SLC35F2: variants seen among roughly 807,000 people sequenced by gnomAD.
The protein encoded by SLC35F2 is queuine/queuosine transporter SLC35F2.
In SLC35F2, 25 loss-of-function variants were observed where a neutral mutation model predicts 38.1. The observed-to-expected ratio is 0.66, with a 90% CI of 0.48 to 0.92. The LOEUF is 0.92. Ranked by LOEUF, SLC35F2 falls within the 40% of genes least tolerant of loss-of-function variation. The probability of loss-of-function intolerance (pLI) is 0.00; values close to 1 mark genes in which losing one functional copy is unlikely to be tolerated. For synonymous variants in SLC35F2, 173 were observed against 181.7 expected (o/e 0.95, Z 0.38); for missense variants, 409 against 452.9 (o/e 0.90, Z 0.88).
intron 1 of SLC35F2, among the ~76,000 whole-genome samples, chr11:107,854,914 C>G (rs76091090): frequency 0.034 from 5,182 of 152,076 alleles, 205 homozygotes; most frequent in African/African-American, 0.1. Context: ...TATCCATTCA[C>G]CAACCTCTTT....
chr11:107,792,783 G>A lies in SLC35F2; in HGVS notation c.957C>T (p.Ile319=). Residue 319 remains isoleucine (I), a synonymous_variant, in exon 8 of 8, where the codon ATC becomes ATT. Transcript: ENST00000525815. ...CCACCATGATGACAGTGAAGGACAG[G>A]ATGTAGAGTCCTGAAAACTAGAAGG... ...LFGYKFSGLY[I]LSFTVIMVGF... 6.3e-7 allele frequency: 1 copy of A among 1,581,540 alleles called. No individual in the cohort carries two copies. Among genetic ancestry groups the A allele is most frequent in the East Asian group, 2.3e-5 (1 of 42,966 alleles).
At position 107,792,161 on chromosome 11, in the gene SLC35F2, C is replaced by CGAAAAAAAAAA. The variant is rs767622537; in HGVS notation, c.*453_*454insTTTTTTTTTTC. The stretch of plus-strand genomic sequence containing the variant: ...GGCCTGTGGACAATAACTGCCTCAG[C>CGAAAAAAAAAA]AAAAAAAAAAAAAAAAAAAAACCTT... On this transcript the variant is annotated 3_prime_UTR_variant, in exon 8 of 8. Coordinates refer to ENST00000525815, the MANE Select transcript of SLC35F2 (RefSeq NM_017515.5). 468 of 78,040 alleles carry CGAAAAAAAAAA rather than the reference C, an allele frequency of 6.0e-3. 12 individuals carry two copies. Among genetic ancestry groups the CGAAAAAAAAAA allele is most frequent in the East Asian group, 0.025 (60 of 2,436 alleles). The allele number at this position is 78,040 out of a possible 1,614,324, so 4.8% of individuals were successfully genotyped here.
chr11:107,849,683 G>T (rs1365167533), intron 1 of SLC35F2, among the ~76,000 whole-genome samples: 4 of 151,488 alleles, frequency 2.6e-5, no homozygotes, highest in African/African-American at 9.7e-5. Context: ...TGAAGGGGGA[G>T]GTGGACTCTA....
At chr11:107,809,923 T>G in intron 3 of SLC35F2, 1 of 985,266 alleles carries the variant, frequency 1.0e-6, no homozygotes. Flanking sequence ...GAGTGGGAAA[T>G]GGGTTGATGT....
chr11:107,837,158 C>T (rs562112367), intron 1 of SLC35F2, among the ~76,000 whole-genome samples: 1 of 152,282 alleles, frequency 6.6e-6, no homozygotes, highest in South Asian at 2.1e-4. Flanking sequence ...GTGAAGAACA[C>T]AGGGGACACA....
intron 7 of SLC35F2, among the ~76,000 whole-genome samples, chr11:107,802,242 A>AAAAAAAAAAAAAAATAAATAAAT (rs559048077): frequency 2.0e-5 from 3 of 147,890 alleles, no homozygotes; most frequent in East Asian, 4.1e-4. Context: ...CATCTCAAAA[A>AAAAAAAAAAAAAAATAAATAAAT]AAATAAATAA....
intron 2 of SLC35F2, among the ~76,000 whole-genome samples, chr11:107,814,362 A>G (rs12808832): frequency 0.15 from 22,048 of 151,272 alleles, 2,327 homozygotes; most frequent in African/African-American, 0.3. Flanking sequence ...GGCTGAGGCA[A>G]GAGAATCGCT....
chr11:107,824,718 T>C (rs1196590489), intron 1 of SLC35F2, among the ~76,000 whole-genome samples: 2 of 152,212 alleles, frequency 1.3e-5, no homozygotes, highest in African/African-American at 4.8e-5. Flanking sequence ...ATGTAACCTA[T>C]AAAAGTACCT....
At chr11:107,849,641 GA>G (rs59636290) in intron 1 of SLC35F2, among the ~76,000 whole-genome samples, 66,873 of 138,474 alleles carry the variant, frequency 0.48, 16,437 homozygotes, top group African/African-American at 0.6. Flanking sequence ...TCCGTTTTGG[GA>G]AAAAAAAAAA....
At chr11:107,809,955 A>G (rs1278618980) in intron 3 of SLC35F2, 1 of 985,316 alleles carries the variant, frequency 1.0e-6, no homozygotes, top group African/African-American at 1.7e-5. Context: ...GGGAAGGGAC[A>G]TGAGCAGCAA....
chr11:107,837,877 A>G (rs1189728585), intron 1 of SLC35F2, among the ~76,000 whole-genome samples: 2 of 152,042 alleles, frequency 1.3e-5, no homozygotes, highest in Non-Finnish European at 2.9e-5. Context: ...AAATGCAGAC[A>G]TCGTGTTATG....
At chr11:107,858,449 G>GC (rs1860332300) in intron 1 of SLC35F2, 1 of 413,528 alleles carries the variant, frequency 2.4e-6, no homozygotes, top group Non-Finnish European at 4.2e-6. Context: ...CGAAACGGGA[G>GC]CCGAGGGAGA....
intron 3 of SLC35F2, chr11:107,810,879 T>C: frequency 1.0e-6 from 1 of 981,944 alleles, no homozygotes; most frequent in Non-Finnish European, 1.2e-6. Context: ...CATCTCTGTA[T>C]TTTGTATAGT....
chr11:107,815,557 C>CA (rs1269134602), intron 2 of SLC35F2, among the ~76,000 whole-genome samples: 4 of 149,014 alleles, frequency 2.7e-5, no homozygotes, highest in Non-Finnish European at 4.5e-5. Context: ...GACCCTGTCT[C>CA]AAAAACAAAC....
chr11:107,833,329 G>A (rs918867327), intron 1 of SLC35F2, among the ~76,000 whole-genome samples: 4 of 151,988 alleles, frequency 2.6e-5, no homozygotes, highest in Admixed American at 2.6e-4. Context: ...AGACCATCCT[G>A]GCCAACATGG....
rs1279276477 is a variant in SLC35F2 at position 107,805,350 on chromosome 11, G to A, written c.731+9C>T. ...ATTTTGTCTTTAGAAAAAAATTGTA[G>A]AATCTTACAGCTGTATACCACTGAT... is the stretch of plus-strand genomic sequence containing the variant. On this transcript the variant is annotated intron_variant, in intron 5 of 7. Transcript: ENST00000525815. The A allele has an allele frequency of 1.9e-6, 3 of 1,585,240 alleles. No individual in the cohort carries two copies. The highest frequency in any genetic ancestry group is 2.6e-6 in the Non-Finnish European group (3 of 1,171,792).
Position 107,791,494 on chromosome 11 carries a change from G to T in SLC35F2, c.*1121C>A, listed in dbSNP as rs1424692097. ...AGTATGACCTGGGACTGAAACTGTG[G>T]AGCACATAGCCAGTGTCACAGGCTC... On this transcript the variant is annotated 3_prime_UTR_variant, in exon 8 of 8. Transcript: ENST00000525815. 2.0e-5 allele frequency: 3 copies of T among 152,166 alleles called. No homozygotes were observed. Among genetic ancestry groups the T allele is most frequent in the Non-Finnish European group, 4.4e-5 (3 of 68,050 alleles). The allele number at this position is 152,166 out of a possible 1,614,324, so 9.4% of individuals were successfully genotyped here. A position where few individuals can be genotyped will look rare whatever the true frequency, so the allele number is the denominator to read the frequency against.
Position 107,804,720 on chromosome 11 carries a change from AT to A in SLC35F2, c.781del (p.Ile261LeufsTer22). The A allele has an allele frequency of 1.2e-6, 2 of 1,601,998 alleles. No homozygotes were observed. The highest frequency in any genetic ancestry group is 1.7e-6 in the Non-Finnish European group (2 of 1,173,372). ...AAAGGAATTATTTCTTTACATACCA[AT>A]TTTCCAGTCCCAATGAATGCTGGCA... is the stretch of plus-strand genomic sequence containing the variant. ...DIASIHWDWK[I>X]ALLFVAFALC... is the part of the protein sequence containing the mutation. On this transcript the variant is annotated frameshift_variant, in exon 6 of 8. Coordinates refer to ENST00000525815, the MANE Select transcript of SLC35F2 (RefSeq NM_017515.5). LOFTEE classifies it high-confidence loss of function.
chr11:107,851,237 G>A (rs956172281), intron 1 of SLC35F2, among the ~76,000 whole-genome samples: 15 of 150,836 alleles, frequency 9.9e-5, no homozygotes, highest in African/African-American at 2.4e-4. Flanking sequence ...TACTCTAGCC[G>A]GGGCAACAGA....
Sources: allele counts gnomAD v4.1 joint callset (sites outside exome capture counted in the v4.1 genomes callset), GRCh38; gene constraint gnomAD v4.1.1; transcripts MANE v1.5; gene names NCBI Gene and HGNC (gene_info 2026-07-23, HGNC 2026-07-21).